The following GRAMD1B variants were observed in gnomAD, a reference collection of about 807,000 sequenced individuals.
The protein encoded by GRAMD1B is protein Aster-B.
GRAMD1B carries 37 observed loss-of-function variants against 99.7 expected under a neutral mutation model. The ratio of observed to expected loss-of-function variants is 0.37; its 90% confidence interval spans 0.29 to 0.49. The LOEUF (loss-of-function observed/expected upper bound fraction) is 0.49. Among genes scored for constraint, GRAMD1B ranks in the 20% least tolerant of loss-of-function variants. The pLI is 0.98. For synonymous variants in GRAMD1B, 427 were observed against 387.6 expected, an observed-to-expected ratio of 1.10 and a Z score of -1.19; for missense variants, 888 against 1,009.2, an observed-to-expected ratio of 0.88 and a Z score of 1.63.
At chr11:123,403,480 TAA>T (rs1565476711) in intron 1 of GRAMD1B, among the ~76,000 whole-genome samples, 96 of 147,672 alleles carry the variant, frequency 6.5e-4, no homozygotes, top group African/African-American at 2.3e-3. Flanking sequence ...ATAATAATAA[TAA>T]TAATAATAAT....
chr11:123,478,898 T>G (rs1951440772), intron 1 of GRAMD1B, among the ~76,000 whole-genome samples: 1 of 152,240 alleles, frequency 6.6e-6, no homozygotes, highest in African/African-American at 2.4e-5. Flanking sequence ...TACAGTCATC[T>G]GTGTGCTGCC....
At chr11:123,570,066 A>G (rs1947892514) in intron 2 of GRAMD1B, among the ~76,000 whole-genome samples, 1 of 152,218 alleles carries the variant, frequency 6.6e-6, no homozygotes, top group South Asian at 2.1e-4. Flanking sequence ...TTATACCCGG[A>G]GTTGTAAACA....
chr11:123,446,913 A>G (rs1480678783), intron 1 of GRAMD1B, among the ~76,000 whole-genome samples: 2 of 151,944 alleles, frequency 1.3e-5, no homozygotes, highest in Non-Finnish European at 2.9e-5. Flanking sequence ...CGGAAGAAAG[A>G]AAGAAAAGAA....
At chr11:123,597,896 T>C in intron 7 of GRAMD1B, 1 of 874,826 alleles carries the variant, frequency 1.1e-6, no homozygotes, top group South Asian at 1.3e-5. Flanking sequence ...CAAGCAGATC[T>C]CAGGGAAGCC....
rs571075069 is a variant in GRAMD1B, at chr11:123,408,052, A to G, written c.-176+49253A>G. Among the ~76,000 whole-genome samples the G allele has an allele frequency of 5.6e-4, 86 of 152,354 alleles. No individual in the cohort carries two copies. In the South Asian group the frequency reaches 0.016, roughly 29 times the overall value. On this transcript the variant is annotated intron_variant, in intron 1 of 20. Coordinates refer to the GRAMD1B transcript ENST00000638157. The stretch of plus-strand genomic sequence containing the variant: ...AATGTAGATGTCTGTGAATGGGATT[A>G]GGAAAGTGGCCTTTTGGAGCCTTTA...
rs1938675994 is a variant in GRAMD1B at position 123,492,564 on chromosome 11, AAGG to A, written c.452+11674_452+11676del. 6.6e-6 allele frequency among the ~76,000 whole-genome samples: 1 copy of A among 152,114 alleles called. No individual in the cohort carries two copies. The highest frequency in any genetic ancestry group is 1.5e-5 in the Non-Finnish European group (1 of 68,022). On this transcript the variant is annotated intron_variant, in intron 2 of 19. Transcript: ENST00000635736. The surrounding 1 kb of genome is among the most constrained non-coding windows in gnomAD (Gnocchi z 4.2). Reference sequence around the variant, plus strand: ...CCCTCTTGGCCTCTGTAACTAGAAGAAGGAGATTTCCTGGAGGAGGAAGAGGTT... The same window carrying A: ...CCCTCTTGGCCTCTGTAACTAGAAGAAGATTTCCTGGAGGAGGAAGAGGTT...
intron 2 of GRAMD1B, among the ~76,000 whole-genome samples, chr11:123,558,358 C>T (rs185291794): frequency 3.9e-5 from 6 of 152,214 alleles, no homozygotes; most frequent in Non-Finnish European, 5.9e-5. Flanking sequence ...AAATAGCCTA[C>T]GATCTTCTCA....
rs145728083 is a variant in GRAMD1B, at chr11:123,466,316, G to GAGAA, written c.375-14483_375-14480dup. On this transcript the variant is annotated intron_variant, in intron 1 of 19. Coordinates refer to ENST00000635736, the MANE Select transcript of GRAMD1B (RefSeq NM_001387025.1). Reference sequence around the variant, plus strand: ...AAAGAAAGAAAGAGAGAGAGAGAAAGAGAAAGAAAGAAAGAAAGAAGGAAG... The same window carrying GAGAA: ...AAAGAAAGAAAGAGAGAGAGAGAAAGAGAAAGAAAGAAAGAAAGAAAGAAGGAAG... Among the ~76,000 whole-genome samples the GAGAA allele has an allele frequency of 3.9e-3, 529 of 136,394 alleles. 5 individuals carry two copies. The highest frequency in any genetic ancestry group is 0.014 in the African/African-American group (478 of 35,294). 89.5% of individuals were successfully genotyped at this position (136,394 alleles called of 152,430 possible).
At chr11:123,572,739 T>C (rs532042640) in intron 2 of GRAMD1B, among the ~76,000 whole-genome samples, 26 of 152,190 alleles carry the variant, frequency 1.7e-4, no homozygotes, top group Non-Finnish European at 2.5e-4. Context: ...CAAAAGGATC[T>C]GCAGACAGAC....
intron 2 of GRAMD1B, among the ~76,000 whole-genome samples, chr11:123,504,575 A>T (rs928089380): frequency 1.3e-5 from 2 of 151,724 alleles, no homozygotes; most frequent in Admixed American, 6.6e-5. Flanking sequence ...TGCAGCAGTG[A>T]CTCCCGCTGT....
At chr11:123,534,738 G>T (rs1009880602) in intron 2 of GRAMD1B, among the ~76,000 whole-genome samples, 1 of 152,088 alleles carries the variant, frequency 6.6e-6, no homozygotes. Context: ...GGTGGCAGGC[G>T]CCTGTAATCC....
At chr11:123,505,598 ATATTAT>A (rs922736247) in intron 2 of GRAMD1B, among the ~76,000 whole-genome samples, 4 of 152,214 alleles carry the variant, frequency 2.6e-5, no homozygotes, top group African/African-American at 7.2e-5. Flanking sequence ...GACTTGAATA[ATATTAT>A]TATCCCTGTC....
intron 2 of GRAMD1B, among the ~76,000 whole-genome samples, chr11:123,496,227 G>A (rs1303477350): frequency 1.3e-5 from 2 of 151,994 alleles, no homozygotes; most frequent in African/African-American, 4.8e-5. Flanking sequence ...TTCACCAGAT[G>A]TACTATTCTA....
intron 1 of GRAMD1B, among the ~76,000 whole-genome samples, chr11:123,367,691 T>G (rs1328055903): frequency 1.3e-5 from 2 of 152,164 alleles, no homozygotes; most frequent in Non-Finnish European, 1.5e-5. Context: ...CACCATTTTT[T>G]TTTCTTTTTT....
At chr11:123,485,289 A>G (rs1365433935) in intron 2 of GRAMD1B, among the ~76,000 whole-genome samples, 1 of 152,194 alleles carries the variant, frequency 6.6e-6, no homozygotes, top group Non-Finnish European at 1.5e-5. Flanking sequence ...TCAGTACCAG[A>G]TGCACTTTCA....
intron 2 of GRAMD1B, among the ~76,000 whole-genome samples, chr11:123,485,964 CCT>C (rs1937705126): frequency 6.6e-6 from 1 of 152,288 alleles, no homozygotes; most frequent in Non-Finnish European, 1.5e-5. Flanking sequence ...AATCCACCTG[CCT>C]CTGTCTCCCA....
At chr11:123,541,641 T>C (rs1442900617) in intron 2 of GRAMD1B, among the ~76,000 whole-genome samples, 1 of 152,142 alleles carries the variant, frequency 6.6e-6, no homozygotes. Flanking sequence ...TAATACATGT[T>C]GCAAGTACTT....
chr11:123,559,626 A>G (rs1290887370), intron 2 of GRAMD1B: 9 of 982,366 alleles, frequency 9.2e-6, no homozygotes, highest in East Asian at 2.3e-4. Context: ...ACAGAGAAAA[A>G]AAAAACACTT....
intron 2 of GRAMD1B, among the ~76,000 whole-genome samples, chr11:123,512,164 C>T (rs529753357): frequency 3.3e-5 from 5 of 152,296 alleles, no homozygotes; most frequent in East Asian, 1.9e-4. Context: ...TGGGCAGTGG[C>T]GACCATGAAA....
Sources: allele counts gnomAD v4.1 joint callset (sites outside exome capture counted in the v4.1 genomes callset), GRCh38; gene constraint gnomAD v4.1.1; non-coding constraint Gnocchi (gnomAD v3.1); transcripts MANE v1.5; gene names NCBI Gene and HGNC (gene_info 2026-07-23, HGNC 2026-07-21).